KCNH5: variants seen among roughly 807,000 people sequenced by gnomAD.
KCNH5 encodes the protein potassium voltage-gated channel subfamily H member 5.
KCNH5 carries 46 observed loss-of-function variants against 96.1 expected under a neutral mutation model. That is an observed-to-expected ratio of 0.48 (90% CI 0.38 to 0.61). The LOEUF (loss-of-function observed/expected upper bound fraction) is 0.61, where lower values mean the gene tolerates loss of function less well. Ranked by LOEUF, KCNH5 falls within the 20% of genes least tolerant of loss-of-function variation. The pLI is 0.00. For missense variants in KCNH5, 907 were observed against 1,225.8 expected (o/e 0.74, Z 3.88); for synonymous variants, 439 against 449.8 (o/e 0.98, Z 0.30).
intron 7 of KCNH5, among the ~76,000 whole-genome samples, chr14:62,899,837 A>G (rs932493832): frequency 1.3e-5 from 2 of 150,960 alleles, no homozygotes; most frequent in South Asian, 4.2e-4. Context: ...CCGTCTCAAA[A>G]AAAAAAAAAA....
chr14:62,699,993 C>T lies in KCNH5; in HGVS notation c.*7515G>A, dbSNP rs995036994. ...TTTCTGGTGAATTAACCCTTAAAGG[C>T]AGAGGCATTTTTAATACCCCCAATA... On this transcript the variant is annotated 3_prime_UTR_variant, in exon 11 of 11. Coordinates refer to ENST00000322893, the MANE Select transcript of KCNH5 (RefSeq NM_139318.5). 1 of 152,132 alleles carries T rather than the reference C, an allele frequency of 6.6e-6. No individual in the cohort carries two copies. Among genetic ancestry groups the T allele is most frequent in the Non-Finnish European group, 1.5e-5 (1 of 68,012 alleles). 9.4% of individuals were successfully genotyped at this position (152,132 alleles called of 1,614,324 possible).
chr14:63,003,538 ATATTATATATAG>A (rs1252118753), intron 3 of KCNH5, among the ~76,000 whole-genome samples: 5,132 of 121,572 alleles, frequency 0.042, 211 homozygotes, highest in East Asian at 0.15. Flanking sequence ...TATATATTAT[ATATTATATATAG>A]TATATATTAT....
rs1054096471 is a variant in KCNH5 at position 62,699,669 on chromosome 14, T to C, written c.*7839A>G. ...GAACAAACGTTAAATAAAGTGATAA[T>C]CACCACAAACTTCCCAGAAGCAACT... is the stretch of plus-strand genomic sequence containing the variant. On this transcript the variant is annotated 3_prime_UTR_variant, in exon 11 of 11. Transcript: ENST00000322893. 1.3e-5 allele frequency: 2 copies of C among 152,166 alleles called. No homozygotes were observed. The highest frequency in any genetic ancestry group is 2.9e-5 in the Non-Finnish European group (2 of 68,008). 9.4% of individuals were successfully genotyped at this position (152,166 alleles called of 1,614,324 possible). A position where few individuals can be genotyped will look rare whatever the true frequency, so the allele number is the denominator to read the frequency against.
intron 10 of KCNH5, among the ~76,000 whole-genome samples, chr14:62,741,703 A>G (rs1885274743): frequency 6.6e-6 from 1 of 152,158 alleles, no homozygotes; most frequent in Admixed American, 6.6e-5. Flanking sequence ...ATTATTTTCT[A>G]TAAATTTCCT....
At chr14:62,752,448 A>G (rs1396319828) in intron 10 of KCNH5, among the ~76,000 whole-genome samples, 1 of 145,412 alleles carries the variant, frequency 6.9e-6, no homozygotes, top group African/African-American at 2.5e-5. Flanking sequence ...ACATTTCTGA[A>G]CCTATCCTGA....
intron 7 of KCNH5, among the ~76,000 whole-genome samples, chr14:62,870,277 T>C (rs962901188): frequency 6.6e-6 from 1 of 152,238 alleles, no homozygotes. Flanking sequence ...CATAAAGTGA[T>C]GGTAATTTTT....
At chr14:62,708,954 A>G (rs1196161781) in intron 10 of KCNH5, among the ~76,000 whole-genome samples, 2 of 152,212 alleles carry the variant, frequency 1.3e-5, no homozygotes, top group African/African-American at 4.8e-5. Flanking sequence ...TTTTAATATT[A>G]TCCTCTGTTG....
chr14:63,029,312 A>G (rs114405907), intron 1 of KCNH5, among the ~76,000 whole-genome samples: 1,749 of 152,238 alleles, frequency 0.011, 26 homozygotes, highest in African/African-American at 0.03. Context: ...AAGTTTCTGC[A>G]AAAAAGCTGG....
chr14:62,939,682 G>A (rs1889751643), intron 7 of KCNH5, among the ~76,000 whole-genome samples: 1 of 152,172 alleles, frequency 6.6e-6, no homozygotes, highest in African/African-American at 2.4e-5. Context: ...GCTCATGCCT[G>A]TAATCTCAGC....
intron 10 of KCNH5, among the ~76,000 whole-genome samples, chr14:62,726,641 G>T (rs1048755862): frequency 6.6e-6 from 1 of 152,034 alleles, no homozygotes; most frequent in Admixed American, 6.6e-5. Flanking sequence ...CGGAACTCTT[G>T]TAATCTTATG....
chr14:62,713,624 A>G (rs1041159732), intron 10 of KCNH5, among the ~76,000 whole-genome samples: 1 of 152,240 alleles, frequency 6.6e-6, no homozygotes, highest in African/African-American at 2.4e-5. Flanking sequence ...AGGTGATTTA[A>G]TCATGCTTAT....
In KCNH5 at chr14:63,045,191, G is replaced by T. The variant is rs1417279044; in HGVS notation, c.-5C>A. The T allele has an allele frequency of 6.2e-7, 1 of 1,612,888 alleles. No homozygotes were observed. The highest frequency in any genetic ancestry group is 8.5e-7 in the Non-Finnish European group (1 of 1,179,766). ...CCCTCTCTTGCCCCCCGGCATCCTGGGTCTGGAGAGCAGCGGCCAGGATCC... is the reference window on the plus strand; with the variant it reads ...CCCTCTCTTGCCCCCCGGCATCCTGTGTCTGGAGAGCAGCGGCCAGGATCC... On this transcript the variant is annotated 5_prime_UTR_variant, in exon 1 of 11. Transcript: ENST00000322893.
At position 62,936,631 on chromosome 14, in the gene KCNH5, C is replaced by T. The variant is rs552663469; in HGVS notation, c.1369+13502G>A. Among the ~76,000 whole-genome samples, 28 of 143,704 alleles carry T rather than the reference C, an allele frequency of 1.9e-4. 1 individual carries two copies. Among genetic ancestry groups the T allele is most frequent in the Admixed American group, 1.6e-3 (22 of 13,732 alleles). 94.3% of individuals were successfully genotyped at this position (143,704 alleles called of 152,430 possible). ...AGGAGGTTGCAGTGAGCTGAGCTCA[C>T]GCCACTGCACTTCAGCCTTGGTGAT... On this transcript the variant is annotated intron_variant, in intron 7 of 10. Transcript: ENST00000322893.
Position 62,941,089 on chromosome 14 carries a change from A to G in KCNH5, c.1369+9044T>C, listed in dbSNP as rs925548662. On this transcript the variant is annotated intron_variant, in intron 7 of 10. Coordinates refer to ENST00000322893, the MANE Select transcript of KCNH5 (RefSeq NM_139318.5). The stretch of plus-strand genomic sequence containing the variant: ...ACATTAAAAGGTTATTGAGGGCTCA[A>G]AAGTATCTAGTGTTTCTTAAATACC... Among the ~76,000 whole-genome samples the G allele has an allele frequency of 7.9e-5, 12 of 152,218 alleles. 2 individuals carry two copies. Among genetic ancestry groups the G allele is most frequent in the Non-Finnish European group, 1.8e-4 (12 of 68,038 alleles).
chr14:62,770,039 T>C (rs1885951650), intron 10 of KCNH5, among the ~76,000 whole-genome samples: 1 of 152,198 alleles, frequency 6.6e-6, no homozygotes, highest in African/African-American at 2.4e-5. Context: ...CAAGAATTGA[T>C]GGATTCGTGG....
intron 6 of KCNH5, among the ~76,000 whole-genome samples, chr14:62,971,379 A>T (rs1380067836): frequency 1.3e-5 from 2 of 152,178 alleles, no homozygotes; most frequent in African/African-American, 4.8e-5. Context: ...AAATGAAGAG[A>T]TATTTCATGT....
intron 10 of KCNH5, among the ~76,000 whole-genome samples, chr14:62,753,557 A>G (rs1025577629): frequency 5.3e-5 from 8 of 152,154 alleles, no homozygotes; most frequent in African/African-American, 1.9e-4. Context: ...TCAAACTCCC[A>G]CAGGCCAAGG....
chr14:63,042,130 T>TCC (rs1260367557), intron 1 of KCNH5, among the ~76,000 whole-genome samples: 1 of 151,992 alleles, frequency 6.6e-6, no homozygotes, highest in African/African-American at 2.4e-5. Flanking sequence ...TCTCTCTCTC[T>TCC]CTCTCTCCCA....
intron 10 of KCNH5, among the ~76,000 whole-genome samples, chr14:62,769,518 T>G (rs1173827055): frequency 6.6e-6 from 1 of 152,204 alleles, no homozygotes; most frequent in African/African-American, 2.4e-5. Flanking sequence ...GATATCAAAA[T>G]TGCTGTACTA....
Sources: allele counts gnomAD v4.1 joint callset (sites outside exome capture counted in the v4.1 genomes callset), GRCh38; gene constraint gnomAD v4.1.1; transcripts MANE v1.5; gene names NCBI Gene and HGNC (gene_info 2026-07-23, HGNC 2026-07-21).